Variants in SGCZ observed in about 807,000 individuals in gnomAD.
The protein encoded by SGCZ is zeta-sarcoglycan.
Under a neutral mutation model 41.3 loss-of-function variants are expected in SGCZ, and 40 were observed. That is an observed-to-expected ratio of 0.97 (90% CI 0.75 to 1.26). The LOEUF (loss-of-function observed/expected upper bound fraction) is 1.26, where lower values mean the gene tolerates loss of function less well. Ranked by LOEUF, SGCZ falls within the 50% of genes most tolerant of loss-of-function variation. SGCZ has a pLI of 0.00. For missense variants in SGCZ, 552 were observed against 369.8 expected (o/e 1.49, Z -4.04); for synonymous variants, 206 against 137.5 (o/e 1.50, Z -3.49).
intron 4 of SGCZ, among the ~76,000 whole-genome samples, chr8:14,219,955 C>A (rs1257747804): frequency 6.6e-6 from 1 of 152,114 alleles, no homozygotes; most frequent in Non-Finnish European, 1.5e-5. Context: ...CAGGAATGAA[C>A]AAACTTTATT....
intron 1 of SGCZ, among the ~76,000 whole-genome samples, chr8:14,618,389 A>C (rs1022765645): frequency 6.6e-6 from 1 of 152,280 alleles, no homozygotes; most frequent in East Asian, 1.9e-4. Flanking sequence ...AAAGGAGTCC[A>C]TGAAGATATT....
At chr8:15,150,312 T>C (rs1299271031) in intron 1 of SGCZ, among the ~76,000 whole-genome samples, 1 of 152,224 alleles carries the variant, frequency 6.6e-6, no homozygotes, top group African/African-American at 2.4e-5. Flanking sequence ...ATTCTGAATA[T>C]ATAAAATAAA....
At chr8:14,479,774 G>A (rs1801481178) in intron 2 of SGCZ, among the ~76,000 whole-genome samples, 1 of 128,310 alleles carries the variant, frequency 7.8e-6, no homozygotes, top group South Asian at 2.5e-4. Flanking sequence ...TTGAGATGGA[G>A]TTTAGCTCTT....
At chr8:14,864,902 T>G (rs1803874005) in intron 1 of SGCZ, among the ~76,000 whole-genome samples, 1 of 152,092 alleles carries the variant, frequency 6.6e-6, no homozygotes, top group South Asian at 2.1e-4. Context: ...TGGTTTTGAT[T>G]TTCATTTCCT....
At chr8:14,733,781 C>T (rs1430217683) in intron 1 of SGCZ, among the ~76,000 whole-genome samples, 1 of 152,170 alleles carries the variant, frequency 6.6e-6, no homozygotes, top group Non-Finnish European at 1.5e-5. Context: ...CCACAGACCT[C>T]AGGGTTAATT....
intron 1 of SGCZ, among the ~76,000 whole-genome samples, chr8:14,990,831 C>T (rs187734045): frequency 4.6e-5 from 7 of 152,114 alleles, no homozygotes; most frequent in Middle Eastern, 3.4e-3. Flanking sequence ...GGCTGGGGAC[C>T]GCTGCCTTGA....
chr8:14,672,661 G>A (rs771528423), intron 1 of SGCZ, among the ~76,000 whole-genome samples: 9 of 152,100 alleles, frequency 5.9e-5, no homozygotes, highest in Non-Finnish European at 1.2e-4. Flanking sequence ...AACAGTGTTT[G>A]AATGAAGACA....
chr8:15,066,627 T>C (rs1426259249), intron 1 of SGCZ, among the ~76,000 whole-genome samples: 1 of 152,204 alleles, frequency 6.6e-6, no homozygotes, highest in African/African-American at 2.4e-5. Context: ...ATCCTACCAG[T>C]GTATTCAATT....
intron 2 of SGCZ, among the ~76,000 whole-genome samples, chr8:14,336,391 C>T (rs1345421593): frequency 6.6e-6 from 1 of 152,134 alleles, no homozygotes; most frequent in Non-Finnish European, 1.5e-5. Flanking sequence ...AATAGTGCTG[C>T]AGTGAACATA....
chr8:14,297,319 G>GA (rs916799231), intron 3 of SGCZ, among the ~76,000 whole-genome samples: 10 of 151,108 alleles, frequency 6.6e-5, no homozygotes, highest in African/African-American at 9.7e-5. Context: ...ATTTAATAGA[G>GA]AAAAAAGATT....
At chr8:14,263,678 A>G (rs1192403083) in intron 3 of SGCZ, among the ~76,000 whole-genome samples, 1 of 152,210 alleles carries the variant, frequency 6.6e-6, no homozygotes, top group Non-Finnish European at 1.5e-5. Context: ...CATCAAATTT[A>G]GCAACTATTC....
At chr8:15,053,317 C>T (rs1331595723) in intron 1 of SGCZ, among the ~76,000 whole-genome samples, 1 of 151,328 alleles carries the variant, frequency 6.6e-6, no homozygotes, top group African/African-American at 2.4e-5. Flanking sequence ...ATATAGTCGT[C>T]ACTATATCTT....
intron 1 of SGCZ, among the ~76,000 whole-genome samples, chr8:14,569,926 G>A (rs931003601): frequency 6.7e-6 from 1 of 149,086 alleles, no homozygotes; most frequent in African/African-American, 2.5e-5. Context: ...AGGAGGACCA[G>A]AATCTCATGG....
At chr8:14,318,595 T>C (rs1260055356) in intron 3 of SGCZ, among the ~76,000 whole-genome samples, 2 of 151,944 alleles carry the variant, frequency 1.3e-5, no homozygotes, top group African/African-American at 4.8e-5. Context: ...TTGAGCACTG[T>C]GTACACCATT....
intron 1 of SGCZ, among the ~76,000 whole-genome samples, chr8:14,631,419 C>T (rs1017916438): frequency 2.6e-5 from 4 of 152,088 alleles, no homozygotes; most frequent in African/African-American, 7.2e-5. Context: ...GGTGCCATGT[C>T]GTAGCTTGAA....
At chr8:14,459,609 T>C (rs1396244597) in intron 2 of SGCZ, among the ~76,000 whole-genome samples, 6 of 152,066 alleles carry the variant, frequency 3.9e-5, no homozygotes, top group Non-Finnish European at 5.9e-5. Flanking sequence ...AAGACATTTA[T>C]TAATTATACA....
chr8:15,084,775 A>G (rs1294467039), intron 1 of SGCZ, among the ~76,000 whole-genome samples: 1 of 152,088 alleles, frequency 6.6e-6, no homozygotes, highest in African/African-American at 2.4e-5. Context: ...AAAGAAAGAA[A>G]GAAAAGAAAT....
intron 1 of SGCZ, among the ~76,000 whole-genome samples, chr8:15,000,709 C>G (rs1227056400): frequency 1.3e-5 from 2 of 152,248 alleles, no homozygotes; most frequent in East Asian, 1.9e-4. Flanking sequence ...CTTCCCCACA[C>G]TATGTAAACA....
At chr8:14,367,291 T>C (rs535193444) in intron 2 of SGCZ, among the ~76,000 whole-genome samples, 2 of 152,230 alleles carry the variant, frequency 1.3e-5, no homozygotes, top group East Asian at 1.9e-4. Flanking sequence ...ATTAGCATTT[T>C]GGTCAAAGCC....
Sources: allele counts gnomAD v4.1 joint callset (sites outside exome capture counted in the v4.1 genomes callset), GRCh38; gene constraint gnomAD v4.1.1; transcripts MANE v1.5; gene names NCBI Gene and HGNC (gene_info 2026-07-23, HGNC 2026-07-21).